Variants in SLC16A7 observed in about 807,000 individuals in gnomAD.
SLC16A7 encodes the protein monocarboxylate transporter 2.
In SLC16A7, 33 loss-of-function variants were observed where a neutral mutation model predicts 34.9. The observed-to-expected ratio is 0.94, with a 90% confidence interval of 0.72 to 1.26. The LOEUF is 1.26. Among genes scored for constraint, SLC16A7 ranks in the 50% most tolerant of loss-of-function variants. SLC16A7 has a pLI of 0.00. For missense variants in SLC16A7, 573 were observed against 578.1 expected (o/e 0.99, Z 0.09); for synonymous variants, 201 against 206.6 (o/e 0.97, Z 0.23).
intron 2 of SLC16A7, among the ~76,000 whole-genome samples, chr12:59,667,941 T>C (rs771788504): frequency 6.6e-6 from 1 of 152,144 alleles, no homozygotes; most frequent in African/African-American, 2.4e-5. Flanking sequence ...ATAGCTAGGG[T>C]CATGGCTTCA....
At chr12:59,738,429 A>G (rs2711666) in intron 3 of SLC16A7, among the ~76,000 whole-genome samples, 91,337 of 152,042 alleles carry the variant, frequency 0.6, 28,190 homozygotes, top group African/African-American at 0.76. Context: ...GCTATTTCTC[A>G]TGGACCAATA....
chr12:59,769,888 A>G (rs1882056525), intron 3 of SLC16A7, among the ~76,000 whole-genome samples: 1 of 152,070 alleles, frequency 6.6e-6, no homozygotes, highest in Non-Finnish European at 1.5e-5. Flanking sequence ...TCCTCCAAAT[A>G]GTGTCCCTAG....
chr12:59,729,332 C>G (rs939219492), intron 3 of SLC16A7, among the ~76,000 whole-genome samples: 4 of 152,214 alleles, frequency 2.6e-5, no homozygotes, highest in African/African-American at 9.6e-5. Flanking sequence ...TTTGCCTTTC[C>G]TATCATCTCC....
chr12:59,638,097 G>A (rs796492118), intron 1 of SLC16A7, among the ~76,000 whole-genome samples: 5 of 152,200 alleles, frequency 3.3e-5, no homozygotes, highest in African/African-American at 1.2e-4. Context: ...TTTGTAAGCT[G>A]TCTATTCGAT....
At chr12:59,632,471 T>G (rs935492390) in intron 1 of SLC16A7, among the ~76,000 whole-genome samples, 1 of 151,890 alleles carries the variant, frequency 6.6e-6, no homozygotes, top group Non-Finnish European at 1.5e-5. Flanking sequence ...TAGGGTTGGG[T>G]AAGGGAGGCA....
At chr12:59,620,535 A>G (rs1026950608) in intron 1 of SLC16A7, among the ~76,000 whole-genome samples, 3 of 151,928 alleles carry the variant, frequency 2.0e-5, no homozygotes, top group African/African-American at 7.2e-5. Context: ...AAAGTTGATG[A>G]CTAAGGCCTT....
chr12:59,689,451 T>C (rs2137090625), intron 2 of SLC16A7: 1 of 152,140 alleles, frequency 6.6e-6, no homozygotes, highest in East Asian at 1.9e-4. Context: ...AAGACCATGT[T>C]TCTAAACACC....
At chr12:59,749,516 G>C (rs1340376370) in intron 3 of SLC16A7, among the ~76,000 whole-genome samples, 1 of 152,152 alleles carries the variant, frequency 6.6e-6, no homozygotes, top group Non-Finnish European at 1.5e-5. Flanking sequence ...TCAGCCTCTA[G>C]ATCAGGAGGT....
At chr12:59,722,148 G>A (rs926277736) in intron 3 of SLC16A7, among the ~76,000 whole-genome samples, 3 of 151,666 alleles carry the variant, frequency 2.0e-5, no homozygotes, top group Non-Finnish European at 2.9e-5. Context: ...CTCTGACTTC[G>A]CATACCTAAA....
chr12:59,681,130 C>A (rs1207544774), intron 2 of SLC16A7, among the ~76,000 whole-genome samples: 1 of 152,206 alleles, frequency 6.6e-6, no homozygotes, highest in African/African-American at 2.4e-5. Flanking sequence ...CCACACCTGA[C>A]CATCCGAATC....
intron 4 of SLC16A7, among the ~76,000 whole-genome samples, chr12:59,773,859 G>A (rs982971576): frequency 6.6e-6 from 1 of 152,012 alleles, no homozygotes; most frequent in African/African-American, 2.4e-5. Context: ...CACCACTCCC[G>A]GCCTAAATCA....
At chr12:59,610,081 T>A (rs927729691) in intron 1 of SLC16A7, among the ~76,000 whole-genome samples, 6 of 152,236 alleles carry the variant, frequency 3.9e-5, no homozygotes, top group African/African-American at 1.4e-4. Flanking sequence ...AAATCCATAT[T>A]TTCCCTTATA....
chr12:59,761,756 T>C (rs1881040135), intron 3 of SLC16A7, among the ~76,000 whole-genome samples: 2 of 152,050 alleles, frequency 1.3e-5, no homozygotes, highest in Admixed American at 1.3e-4. Context: ...GAAGTGACAA[T>C]GCCAAAATGC....
intron 1 of SLC16A7, among the ~76,000 whole-genome samples, chr12:59,648,815 G>A (rs1218841900): frequency 6.6e-6 from 1 of 152,178 alleles, no homozygotes; most frequent in Non-Finnish European, 1.5e-5. Flanking sequence ...TGAGATCCAA[G>A]TTGGAAATGG....
At chr12:59,647,672 A>T (rs1161187590) in intron 1 of SLC16A7, among the ~76,000 whole-genome samples, 1 of 152,306 alleles carries the variant, frequency 6.6e-6, no homozygotes, top group Non-Finnish European at 1.5e-5. Context: ...GGACTAATAG[A>T]GATACATAAA....
At chr12:59,720,371 T>C (rs1246378408) in intron 3 of SLC16A7, among the ~76,000 whole-genome samples, 5 of 152,106 alleles carry the variant, frequency 3.3e-5, no homozygotes, top group African/African-American at 1.2e-4. Context: ...CTTTTTGTCA[T>C]TGAAAAGGAC....
chr12:59,727,712 T>C (rs1876454027), intron 3 of SLC16A7, among the ~76,000 whole-genome samples: 1 of 152,142 alleles, frequency 6.6e-6, no homozygotes, highest in Non-Finnish European at 1.5e-5. Context: ...TTGGAGAGGC[T>C]AAAAAACTGT....
At chr12:59,684,333 A>G (rs1038032124) in intron 2 of SLC16A7, among the ~76,000 whole-genome samples, 8 of 152,248 alleles carry the variant, frequency 5.3e-5, no homozygotes, top group African/African-American at 1.9e-4. Flanking sequence ...GATTAGCATG[A>G]GAGGGACTCC....
intron 1 of SLC16A7, among the ~76,000 whole-genome samples, chr12:59,628,763 A>G (rs1880047788): frequency 6.6e-6 from 1 of 151,880 alleles, no homozygotes; most frequent in Non-Finnish European, 1.5e-5. Flanking sequence ...AAGTGAATCA[A>G]TTAATTAATG....
Sources: gnomAD v4.1 joint callset for allele counts (sites outside exome capture counted in the v4.1 genomes callset) on GRCh38, gnomAD v4.1.1 for gene constraint, MANE v1.5 for transcripts, NCBI Gene and HGNC (gene_info 2026-07-23, HGNC 2026-07-21) for gene names.